The following TUT7 variants were observed in gnomAD, a reference collection of about 807,000 sequenced individuals.
The protein encoded by TUT7 is terminal uridylyltransferase 7.
TUT7 carries 33 observed loss-of-function variants against 165.9 expected under a neutral mutation model. The ratio of observed to expected loss-of-function variants is 0.20; its 90% confidence interval spans 0.15 to 0.27. The LOEUF (loss-of-function observed/expected upper bound fraction) is 0.27. Among genes scored for constraint, TUT7 ranks in the 10% least tolerant of loss-of-function variants. The pLI is 1.00. For missense variants in TUT7, 1,338 were observed against 1,762.3 expected, an observed-to-expected ratio of 0.76 and a Z score of 4.31; for synonymous variants, 552 against 608.1, an observed-to-expected ratio of 0.91 and a Z score of 1.36.
chr9:86,338,065 G>T (rs967903008), intron 9 of TUT7, among the ~76,000 whole-genome samples: 3 of 152,152 alleles, frequency 2.0e-5, no homozygotes, highest in African/African-American at 7.2e-5. Flanking sequence ...TCAAAGGATA[G>T]CATATTATAA....
chr9:86,292,764 A>G (rs995685901), intron 26 of TUT7, among the ~76,000 whole-genome samples: 5 of 151,668 alleles, frequency 3.3e-5, no homozygotes, highest in Non-Finnish European at 7.4e-5. Context: ...ACAGAGTGAA[A>G]CCCTTCTCTC....
intron 10 of TUT7, chr9:86,336,800 T>A (rs1194760383): frequency 1.3e-5 from 2 of 152,226 alleles, no homozygotes; most frequent in Non-Finnish European, 2.9e-5. Context: ...TTTCAGATGG[T>A]CTCTTCTTAA....
intron 22 of TUT7, among the ~76,000 whole-genome samples, chr9:86,307,175 G>A (rs1446664208): frequency 6.6e-6 from 1 of 152,064 alleles, no homozygotes; most frequent in African/African-American, 2.4e-5. Flanking sequence ...TCAGGAGGCT[G>A]AGGTACAAGA....
intron 10 of TUT7, among the ~76,000 whole-genome samples, chr9:86,328,934 T>G (rs2131481195): frequency 6.6e-6 from 1 of 152,342 alleles, no homozygotes; most frequent in East Asian, 1.9e-4. Context: ...CATAAGGCAC[T>G]CAGATAGAGG....
intron 17 of TUT7, among the ~76,000 whole-genome samples, chr9:86,312,831 T>C (rs1323899562): frequency 6.6e-6 from 1 of 152,112 alleles, no homozygotes; most frequent in South Asian, 2.1e-4. Context: ...CTGTGCTCTC[T>C]GAAACCTGCT....
chr9:86,343,806 T>C (rs929394774), intron 5 of TUT7, among the ~76,000 whole-genome samples: 1 of 152,242 alleles, frequency 6.6e-6, no homozygotes, highest in Non-Finnish European at 1.5e-5. Flanking sequence ...GATGTGTGTG[T>C]ATATGAGTAC....
intron 19 of TUT7, 27 bp downstream of exon 19, chr9:86,309,901 A>G (rs971616397): frequency 6.3e-7 from 1 of 1,582,972 alleles, no homozygotes; most frequent in Non-Finnish European, 8.6e-7. Context: ...AAATTTCCTG[A>G]TAAGTCACAA....
intron 15 of TUT7, 102 bp from the exon 16 acceptor site, chr9:86,319,160 A>T (rs1828999103): frequency 2.8e-6 from 2 of 715,996 alleles, no homozygotes; most frequent in South Asian, 3.7e-5. Context: ...TTGTTTAATT[A>T]TCCTATATTA....
intron 2 of TUT7, among the ~76,000 whole-genome samples, chr9:86,349,480 A>G (rs1275901874): frequency 6.6e-6 from 1 of 152,128 alleles, no homozygotes; most frequent in African/African-American, 2.4e-5. Flanking sequence ...TGTCCCAAAT[A>G]CATTAAACTG....
chr9:86,298,984 C>G (rs940033867), intron 26 of TUT7, among the ~76,000 whole-genome samples: 1 of 152,130 alleles, frequency 6.6e-6, no homozygotes, highest in Non-Finnish European at 1.5e-5. Context: ...GGCAGGAGTT[C>G]TGAAACAAGG....
At chr9:86,338,703 C>G in intron 9 of TUT7, 120 bp downstream of exon 9, 1 of 1,163,066 alleles carries the variant, frequency 8.6e-7, no homozygotes, top group Non-Finnish European at 1.1e-6. Flanking sequence ...ATTCAGATGT[C>G]TTTCTCTTTT....
chr9:86,349,928 CTTTT>C (rs1832123539), intron 2 of TUT7, among the ~76,000 whole-genome samples: 1 of 152,078 alleles, frequency 6.6e-6, no homozygotes. Flanking sequence ...TCTTTAGTTG[CTTTT>C]ATAAGAATAC....
intron 19 of TUT7, 23 bp from the exon 20 acceptor site, chr9:86,309,599 A>G: frequency 6.4e-7 from 1 of 1,568,320 alleles, no homozygotes; most frequent in Non-Finnish European, 8.7e-7. Flanking sequence ...AAAACCAAGA[A>G]CAAAGGAAAG....
Position 86,352,858 on chromosome 9 carries a change from T to C in TUT7, c.342A>G (p.Arg114=), listed in dbSNP as rs758016546. The C allele has an allele frequency of 8.7e-6, 14 of 1,614,110 alleles. No homozygotes were observed. The Admixed American group carries it at 2.0e-4, about 23-fold the overall frequency. Reference sequence around the variant, plus strand: ...GAATTCTAGGTCCAGGTTTGAATTCTCTCCAGTTGTCTGAATTACCAGTAT... The same window carrying C: ...GAATTCTAGGTCCAGGTTTGAATTCCCTCCAGTTGTCTGAATTACCAGTAT... ...DEHTGNSDNW[R]EFKPGPRIPV... is the part of the protein sequence containing the mutation. The change falls in exon 2 of 27, where the codon AGA becomes AGG. Residue 114 remains arginine (R), a synonymous_variant. Transcript: ENST00000375963.
chr9:86,321,128 G>A (rs757183754), intron 14 of TUT7, among the ~76,000 whole-genome samples: 1 of 151,868 alleles, frequency 6.6e-6, no homozygotes, highest in Non-Finnish European at 1.5e-5. Flanking sequence ...CAAGGCGAGC[G>A]GATCACTGGA....
chr9:86,297,810 G>GA (rs1405073850), intron 26 of TUT7, among the ~76,000 whole-genome samples: 4 of 150,524 alleles, frequency 2.7e-5, no homozygotes, highest in African/African-American at 9.8e-5. Flanking sequence ...CTTTGAGGGA[G>GA]AAAAAAACCA....
At chr9:86,318,607 A>G (rs541972846) in intron 16 of TUT7, among the ~76,000 whole-genome samples, 2 of 152,312 alleles carry the variant, frequency 1.3e-5, no homozygotes. Context: ...GATTTACCAC[A>G]CTGCCTGTCT....
At chr9:86,344,221 C>G (rs1023222309) in intron 5 of TUT7, among the ~76,000 whole-genome samples, 1 of 152,074 alleles carries the variant, frequency 6.6e-6, no homozygotes, top group African/African-American at 2.4e-5. Flanking sequence ...TTGTCCATGG[C>G]TTCACAGATA....
At chr9:86,302,310 A>G (rs572816630) in intron 25 of TUT7, among the ~76,000 whole-genome samples, 6 of 143,984 alleles carry the variant, frequency 4.2e-5, no homozygotes, top group Non-Finnish European at 7.6e-5. Context: ...ACTCACAACA[A>G]TTATTAAGGG....
Sources: gnomAD v4.1 joint callset for allele counts (sites outside exome capture counted in the v4.1 genomes callset) on GRCh38, gnomAD v4.1.1 for gene constraint, MANE v1.5 for transcripts, NCBI Gene and HGNC (gene_info 2026-07-23, HGNC 2026-07-21) for gene names.